PTCSC3: variants seen among roughly 807,000 people sequenced by gnomAD.
The protein encoded by PTCSC3 is papillary thyroid carcinoma susceptibility candidate 3 (non-protein coding).
chr14:36,148,438 C>T (rs910812322), intron 3 of PTCSC3, among the ~76,000 whole-genome samples: 7 of 152,194 alleles, frequency 4.6e-5, no homozygotes, highest in East Asian at 3.9e-4. Context: ...AGGTGCTGTC[C>T]GTCACCCCTT....
chr14:36,171,652 G>C (rs920118021), intron 1 of PTCSC3, among the ~76,000 whole-genome samples: 12 of 152,068 alleles, frequency 7.9e-5, no homozygotes. Context: ...AATTTAACAA[G>C]ATAGGGAAAA....
chr14:36,169,308 C>T (rs1882152211), intron 1 of PTCSC3, among the ~76,000 whole-genome samples: 1 of 152,042 alleles, frequency 6.6e-6, no homozygotes, highest in Non-Finnish European at 1.5e-5. Flanking sequence ...ATGTCGATTA[C>T]ATAAATGATA....
downstream of PTCSC3, among the ~76,000 whole-genome samples, chr14:36,135,274 T>TATGTGTGTGTGC (rs1438305197): frequency 6.6e-6 from 1 of 152,220 alleles, no homozygotes. Flanking sequence ...ATTTAGTTTG[T>TATGTGTGTGTGC]ATGTGTGTGT....
intron 3 of PTCSC3, among the ~76,000 whole-genome samples, chr14:36,146,818 A>G (rs375500672): frequency 1.4e-4 from 21 of 152,120 alleles, no homozygotes; most frequent in Admixed American, 3.9e-4. Context: ...TCCTTTCCAT[A>G]TTTAGTGCTT....
chr14:36,166,155 C>T (rs905912141), intron 1 of PTCSC3, among the ~76,000 whole-genome samples: 6 of 152,160 alleles, frequency 3.9e-5, no homozygotes, highest in South Asian at 4.1e-4. Context: ...TCCATCCACC[C>T]GATGGCTATT....
At chr14:36,138,703 T>G (rs1234820254) in intron 3 of PTCSC3, among the ~76,000 whole-genome samples, 1 of 152,252 alleles carries the variant, frequency 6.6e-6, no homozygotes, top group Non-Finnish European at 1.5e-5. Context: ...GGAATTCTTA[T>G]ACATTACTTA....
At chr14:36,154,399 A>C (rs758351442) in intron 2 of PTCSC3, among the ~76,000 whole-genome samples, 3 of 152,256 alleles carry the variant, frequency 2.0e-5, no homozygotes, top group Non-Finnish European at 4.4e-5. Context: ...CATTATCACA[A>C]ACATGCTGAA....
At chr14:36,165,061 C>T (rs923038743) in intron 1 of PTCSC3, 12 of 152,260 alleles carry the variant, frequency 7.9e-5, no homozygotes, top group African/African-American at 2.7e-4. Flanking sequence ...AATAAAGAGC[C>T]GCAGTGGTCC....
chr14:36,151,616 TCTTTGGTGGGCTATACTCC>T (rs1171799536), intron 3 of PTCSC3, among the ~76,000 whole-genome samples: 1 of 152,210 alleles, frequency 6.6e-6, no homozygotes, highest in Admixed American at 6.5e-5. Context: ...CTTTCTCTTC[TCTTTGGTGGGCTATACTCC>T]CTGGGTTGTG....
At chr14:36,171,174 T>G (rs1172300523) in intron 1 of PTCSC3, among the ~76,000 whole-genome samples, 6 of 152,170 alleles carry the variant, frequency 3.9e-5, no homozygotes, top group Non-Finnish European at 7.4e-5. Context: ...GTTAAGAATT[T>G]CCCATGTTTG....
intron 3 of PTCSC3, among the ~76,000 whole-genome samples, chr14:36,142,428 G>T (rs1881444380): frequency 2.0e-5 from 3 of 152,070 alleles, no homozygotes; most frequent in Admixed American, 2.0e-4. Flanking sequence ...GAGATACATT[G>T]GTACATGATT....
At chr14:36,161,903 T>G (rs1030660370) in intron 2 of PTCSC3, among the ~76,000 whole-genome samples, 1 of 152,336 alleles carries the variant, frequency 6.6e-6, no homozygotes, top group African/African-American at 2.4e-5. Flanking sequence ...AGAGATGCCC[T>G]GCCCAGAGAG....
intron 1 of PTCSC3, among the ~76,000 whole-genome samples, chr14:36,169,585 G>C (rs1394340280): frequency 6.6e-6 from 1 of 152,154 alleles, no homozygotes; most frequent in African/African-American, 2.4e-5. Flanking sequence ...ATGGGAAGTA[G>C]GGATGTAGGG....
chr14:36,176,066 A>C (rs913853920), intron 1 of PTCSC3, among the ~76,000 whole-genome samples: 1 of 152,202 alleles, frequency 6.6e-6, no homozygotes, highest in Non-Finnish European at 1.5e-5. Flanking sequence ...TTCAGTTAAG[A>C]AAACGATACA....
chr14:36,169,061 T>TAA (rs149452025), intron 1 of PTCSC3, among the ~76,000 whole-genome samples: 1 of 150,964 alleles, frequency 6.6e-6, no homozygotes, highest in African/African-American at 2.4e-5. Flanking sequence ...ATAGAGACAT[T>TAA]AAAAAAAAAC....
chr14:36,164,144 T>C (rs1882035904), intron 1 of PTCSC3: 1 of 152,200 alleles, frequency 6.6e-6, no homozygotes, highest in Non-Finnish European at 1.5e-5. Context: ...ATGTTCTGAC[T>C]AATTTAAACT....
chr14:36,135,599 C>G (rs764280389), downstream of PTCSC3, among the ~76,000 whole-genome samples: 24 of 152,072 alleles, frequency 1.6e-4, no homozygotes, highest in Non-Finnish European at 2.9e-4. Context: ...GCACTGACTT[C>G]AAAATTTTCT....
chr14:36,141,039 G>C (rs965439781), intron 3 of PTCSC3, among the ~76,000 whole-genome samples: 1 of 152,150 alleles, frequency 6.6e-6, no homozygotes. Context: ...TCAGTTGACT[G>C]TATTTGTGTG....
intron 3 of PTCSC3, among the ~76,000 whole-genome samples, chr14:36,149,278 A>C (rs1013926603): frequency 6.6e-5 from 10 of 152,190 alleles, no homozygotes; most frequent in South Asian, 2.1e-4. Flanking sequence ...TTAATCTCCA[A>C]ATATTTGAGA....
Sources: allele counts gnomAD v4.1 joint callset (sites outside exome capture counted in the v4.1 genomes callset), GRCh38; gene constraint gnomAD v4.1.1; transcripts MANE v1.5; gene names NCBI Gene and HGNC (gene_info 2026-07-23, HGNC 2026-07-21).